Variants in ZNF407 observed in about 807,000 individuals in gnomAD.
ZNF407 encodes the protein zinc finger protein 407.
In ZNF407, 17 loss-of-function variants were observed where a neutral mutation model predicts 131.2. The observed-to-expected ratio is 0.13, with a 90% CI of 0.09 to 0.19. ZNF407 has a LOEUF of 0.19. Ranked by LOEUF, ZNF407 falls within the 10% of genes least tolerant of loss-of-function variation. The pLI is 1.00. For synonymous variants in ZNF407, 1,156 were observed against 1,062.0 expected, an observed-to-expected ratio of 1.09 and a Z score of -1.72; for missense variants, 2,681 against 2,830.6, an observed-to-expected ratio of 0.95 and a Z score of 1.20.
chr18:74,852,262 CAG>C lies in ZNF407; in HGVS notation c.4878-24933_4878-24932del, dbSNP rs529935734. ...TTATTTTTCTTCTAAAATAATTTAA[CAG>C]AAATTTTAAAAGTAATTTTTAAAAT... On this transcript the variant is annotated intron_variant, in intron 4 of 8. Coordinates refer to ENST00000299687, the MANE Select transcript of ZNF407 (RefSeq NM_017757.3). Among the ~76,000 whole-genome samples the C allele has an allele frequency of 8.2e-4, 125 of 152,090 alleles. No homozygotes were observed. In the Middle Eastern group the frequency reaches 0.01, roughly 12 times the overall value.
chr18:74,696,508 A>ATGAC (rs1441300481), intron 3 of ZNF407, among the ~76,000 whole-genome samples: 2 of 152,142 alleles, frequency 1.3e-5, no homozygotes, highest in Non-Finnish European at 2.9e-5. Flanking sequence ...ATTCGGAGCA[A>ATGAC]TGACTGTATT....
rs764237602 is a variant in ZNF407, at chr18:74,878,523, C to T, written c.5044+1160C>T. 1.1e-3 allele frequency among the ~76,000 whole-genome samples: 164 copies of T among 152,174 alleles called. 1 individual carries two copies. The highest frequency in any genetic ancestry group is 6.8e-3 in the Middle Eastern group (2 of 294). ...AGCCAGTGCAGATGTAATTTATCGTCGGCGTTTCCTTCTAAAGAATAATTG... is the reference window on the plus strand; with the variant it reads ...AGCCAGTGCAGATGTAATTTATCGTTGGCGTTTCCTTCTAAAGAATAATTG... On this transcript the variant is annotated intron_variant, in intron 5 of 8. Coordinates refer to ENST00000299687, the MANE Select transcript of ZNF407 (RefSeq NM_017757.3).
intron 8 of ZNF407, among the ~76,000 whole-genome samples, chr18:75,006,363 C>T (rs1972910665): frequency 6.6e-6 from 1 of 152,070 alleles, no homozygotes; most frequent in Non-Finnish European, 1.5e-5. Context: ...AAGTTGAATG[C>T]TTAATCAGTT....
chr18:74,837,208 T>G (rs1599186700), intron 4 of ZNF407, among the ~76,000 whole-genome samples: 1 of 152,332 alleles, frequency 6.6e-6, no homozygotes, highest in African/African-American at 2.4e-5. Context: ...AATTTTACTT[T>G]TCAAATGGGT....
chr18:74,869,624 A>G (rs756313477), intron 4 of ZNF407, among the ~76,000 whole-genome samples: 6 of 152,156 alleles, frequency 3.9e-5, no homozygotes, highest in Non-Finnish European at 7.3e-5. Flanking sequence ...TTTACCCTGT[A>G]TAGATGGGGT....
At chr18:74,630,904 G>A (rs1484238669) in intron 1 of ZNF407, 63 bp from the exon 2 acceptor site, 5 of 1,276,440 alleles carry the variant, frequency 3.9e-6, no homozygotes, top group Non-Finnish European at 5.2e-6. Flanking sequence ...TTTTCATCTA[G>A]TTTTAGACTA....
At chr18:75,026,699 C>A (rs564777093) in intron 8 of ZNF407, among the ~76,000 whole-genome samples, 32 of 152,318 alleles carry the variant, frequency 2.1e-4, no homozygotes, top group Non-Finnish European at 4.0e-4. Context: ...TTCCAAATAA[C>A]TGCCGTGTTT....
rs1227641846 is a variant in ZNF407 at position 74,703,627 on chromosome 18, A to G, written c.4802+62505A>G. On this transcript the variant is annotated intron_variant, in intron 3 of 8. Coordinates refer to ENST00000299687, the MANE Select transcript of ZNF407 (RefSeq NM_017757.3). The surrounding 1 kb of genome is among the most constrained non-coding windows in gnomAD (Gnocchi z 4.1). ...GTGATCTGCCCTCCTCGGCCTCCCA[A>G]AGTGCTGGGATTACAGTTGTGAGCC... Among the ~76,000 whole-genome samples the G allele has an allele frequency of 6.6e-6, 1 of 152,052 alleles. No individual in the cohort carries two copies. The highest frequency in any genetic ancestry group is 2.4e-5 in the African/African-American group (1 of 41,390).
At chr18:74,740,356 A>G (rs1039798384) in intron 3 of ZNF407, among the ~76,000 whole-genome samples, 1 of 152,186 alleles carries the variant, frequency 6.6e-6, no homozygotes, top group Non-Finnish European at 1.5e-5. Context: ...CTTCTGATGT[A>G]TAGATTCTTA....
At chr18:74,789,905 A>G (rs1969794343) in intron 4 of ZNF407, among the ~76,000 whole-genome samples, 1 of 146,806 alleles carries the variant, frequency 6.8e-6, no homozygotes, top group Non-Finnish European at 1.5e-5. Flanking sequence ...TCTCCAATAC[A>G]CTCATATAAT....
chr18:74,841,834 C>A (rs1488637824), intron 4 of ZNF407, among the ~76,000 whole-genome samples: 1 of 152,158 alleles, frequency 6.6e-6, no homozygotes, highest in East Asian at 1.9e-4. Context: ...CTCAAGTATC[C>A]AGCTTGCTTT....
chr18:74,775,412 C>T (rs970118804), intron 3 of ZNF407, among the ~76,000 whole-genome samples: 4 of 152,150 alleles, frequency 2.6e-5, no homozygotes, highest in South Asian at 2.1e-4. Flanking sequence ...TTAAATTATT[C>T]GTGACTGTTT....
At chr18:75,060,067 TA>T (rs1973607340) in intron 8 of ZNF407, 2 of 152,238 alleles carry the variant, frequency 1.3e-5, no homozygotes, top group East Asian at 3.9e-4. Flanking sequence ...ACGGCATGAG[TA>T]CCACAGCTTG....
chr18:74,914,774 A>G (rs997892586), intron 7 of ZNF407, among the ~76,000 whole-genome samples: 1 of 152,122 alleles, frequency 6.6e-6, no homozygotes, highest in Non-Finnish European at 1.5e-5. Flanking sequence ...TGCTGCCAGG[A>G]ATAAGAGGAA....
intron 7 of ZNF407, among the ~76,000 whole-genome samples, chr18:74,895,982 A>T (rs947385185): frequency 2.0e-4 from 30 of 152,216 alleles, no homozygotes; most frequent in Middle Eastern, 3.2e-3. Context: ...CTGAATACAG[A>T]CAATGAGAAA....
chr18:75,025,770 G>C (rs1465840012), intron 8 of ZNF407, among the ~76,000 whole-genome samples: 1 of 152,160 alleles, frequency 6.6e-6, no homozygotes, highest in Admixed American at 6.5e-5. Flanking sequence ...ATGCCTTGAT[G>C]TTTCTTCAGC....
At chr18:74,951,163 G>T (rs1310577945) in intron 8 of ZNF407, among the ~76,000 whole-genome samples, 1 of 152,138 alleles carries the variant, frequency 6.6e-6, no homozygotes, top group Non-Finnish European at 1.5e-5. Flanking sequence ...GCCTCCAAAT[G>T]TTCAAATGTA....
chr18:75,045,125 C>T (rs1368820120), intron 8 of ZNF407, among the ~76,000 whole-genome samples: 4 of 148,344 alleles, frequency 2.7e-5, no homozygotes, highest in Middle Eastern at 6.8e-3. Context: ...TGTGGGGGTG[C>T]GTGGGGCGGT....
At chr18:74,991,510 T>C (rs546353170) in intron 8 of ZNF407, among the ~76,000 whole-genome samples, 77 of 152,352 alleles carry the variant, frequency 5.1e-4, no homozygotes, top group African/African-American at 1.6e-3. Context: ...TGTGGCAATT[T>C]TTCTATTTAA....
Sources: allele counts gnomAD v4.1 joint callset (sites outside exome capture counted in the v4.1 genomes callset), GRCh38; gene constraint gnomAD v4.1.1; non-coding constraint Gnocchi (gnomAD v3.1); transcripts MANE v1.5; gene names NCBI Gene and HGNC (gene_info 2026-07-23, HGNC 2026-07-21).